Variants in ST8SIA1 observed in about 807,000 individuals in gnomAD.
ST8SIA1 encodes alpha-N-acetylneuraminide alpha-2,8-sialyltransferase.
Under a neutral mutation model 35.9 loss-of-function variants are expected in ST8SIA1, and 16 were observed. The observed-to-expected ratio is 0.45, with a 90% confidence interval of 0.30 to 0.68. The LOEUF (loss-of-function observed/expected upper bound fraction) is 0.68. Among genes scored for constraint, ST8SIA1 ranks in the 30% least tolerant of loss-of-function variants. ST8SIA1 has a pLI of 0.09. For synonymous variants in ST8SIA1, 170 were observed against 169.6 expected, an observed-to-expected ratio of 1.00 and a Z score of -0.02; for missense variants, 383 against 453.6, an observed-to-expected ratio of 0.84 and a Z score of 1.41.
intron 4 of ST8SIA1, among the ~76,000 whole-genome samples, chr12:22,211,456 G>C (rs1157948896): frequency 6.6e-6 from 1 of 152,186 alleles, no homozygotes; most frequent in Admixed American, 6.5e-5. Flanking sequence ...GCATGCTAAC[G>C]ATTGGCTAAT....
chr12:22,215,908 A>G (rs1463707912), intron 4 of ST8SIA1, among the ~76,000 whole-genome samples: 2 of 152,206 alleles, frequency 1.3e-5, no homozygotes, highest in African/African-American at 4.8e-5. Flanking sequence ...CAGCAACAAC[A>G]GGATCTACTC....
intron 4 of ST8SIA1, among the ~76,000 whole-genome samples, chr12:22,241,937 T>C (rs1565575539): frequency 6.6e-6 from 1 of 152,130 alleles, no homozygotes; most frequent in Non-Finnish European, 1.5e-5. Flanking sequence ...ATATATTTGC[T>C]CAAGACCAAT....
At chr12:22,288,821 A>G (rs187435733) in intron 1 of ST8SIA1, among the ~76,000 whole-genome samples, 1,810 of 152,032 alleles carry the variant, frequency 0.012, 12 homozygotes, top group Non-Finnish European at 0.019. Flanking sequence ...CTCCACCCTC[A>G]TTCATTTTTA....
At chr12:22,254,647 G>T (rs946841709) in intron 3 of ST8SIA1, among the ~76,000 whole-genome samples, 3 of 152,150 alleles carry the variant, frequency 2.0e-5, no homozygotes, top group Non-Finnish European at 4.4e-5. Flanking sequence ...CTACAATTTG[G>T]CAGTCTCTGT....
chr12:22,201,364 T>G lies in ST8SIA1; in HGVS notation c.*188A>C, dbSNP rs1256305484. 1.5e-6 allele frequency: 1 copy of G among 688,146 alleles called. No individual in the cohort carries two copies. Among genetic ancestry groups the G allele is most frequent in the South Asian group, 2.5e-5 (1 of 40,600 alleles). 42.6% of individuals were successfully genotyped at this position (688,146 alleles called of 1,614,324 possible). On this transcript the variant is annotated 3_prime_UTR_variant, in exon 5 of 5. Transcript: ENST00000396037. ...ATGTGCTATAAAGTATTTCATAGGATGTTTCATTTCTTATTTGTCCTCCAA... is the reference window on the plus strand; with the variant it reads ...ATGTGCTATAAAGTATTTCATAGGAGGTTTCATTTCTTATTTGTCCTCCAA...
At chr12:22,209,722 C>G (rs1171504429) in intron 4 of ST8SIA1, among the ~76,000 whole-genome samples, 3 of 152,138 alleles carry the variant, frequency 2.0e-5, no homozygotes, top group Non-Finnish European at 4.4e-5. Flanking sequence ...GCCACCTACT[C>G]TCTCATCTTT....
At chr12:22,271,848 T>C (rs1446861962) in intron 2 of ST8SIA1, among the ~76,000 whole-genome samples, 2 of 152,196 alleles carry the variant, frequency 1.3e-5, no homozygotes, top group Non-Finnish European at 2.9e-5. Flanking sequence ...AATTTCTACA[T>C]ATCAAGATCC....
At chr12:22,202,162 CTT>C in intron 4 of ST8SIA1, 124 bp from the exon 5 acceptor site, 1 of 824,580 alleles carries the variant, frequency 1.2e-6, no homozygotes, top group Non-Finnish European at 1.8e-6. Context: ...ATGAAAAACA[CTT>C]TATTTGTATT....
At chr12:22,248,975 T>G in intron 4 of ST8SIA1, 31 bp downstream of exon 4, 1 of 1,517,618 alleles carries the variant, frequency 6.6e-7, no homozygotes, top group Non-Finnish European at 9.1e-7. Context: ...TTCATCTTCG[T>G]TCGTCACAAA....
At chr12:22,307,415 T>C (rs1288988340) in intron 1 of ST8SIA1, among the ~76,000 whole-genome samples, 1 of 152,186 alleles carries the variant, frequency 6.6e-6, no homozygotes, top group African/African-American at 2.4e-5. Context: ...GGTGATAAGA[T>C]GGTCTGAGGT....
chr12:22,308,383 T>C (rs1259675774), intron 1 of ST8SIA1, among the ~76,000 whole-genome samples: 5 of 152,224 alleles, frequency 3.3e-5, no homozygotes, highest in Non-Finnish European at 7.3e-5. Context: ...CAGTGTGATC[T>C]TGACATTAGA....
chr12:22,261,203 G>A (rs533211454), intron 2 of ST8SIA1, among the ~76,000 whole-genome samples: 7 of 152,286 alleles, frequency 4.6e-5, no homozygotes, highest in Non-Finnish European at 1.0e-4. Context: ...GGAGTGCAGT[G>A]CCGCAATCTT....
intron 1 of ST8SIA1, among the ~76,000 whole-genome samples, chr12:22,294,166 C>A (rs7971462): frequency 6.6e-6 from 1 of 152,044 alleles, no homozygotes; most frequent in Non-Finnish European, 1.5e-5. Flanking sequence ...CCTGTTTATA[C>A]CTACTAGTCT....
chr12:22,250,181 G>A (rs886459782), intron 3 of ST8SIA1, among the ~76,000 whole-genome samples: 6 of 152,146 alleles, frequency 3.9e-5, no homozygotes, highest in African/African-American at 1.2e-4. Context: ...TGGGAAATAT[G>A]ACCACTGCGA....
intron 4 of ST8SIA1, among the ~76,000 whole-genome samples, chr12:22,239,701 C>T (rs1342879918): frequency 2.0e-5 from 3 of 152,078 alleles, no homozygotes; most frequent in African/African-American, 7.2e-5. Flanking sequence ...GGCTTGTGTG[C>T]ATTTTGAGTG....
chr12:22,298,620 G>A (rs939008188), intron 1 of ST8SIA1, among the ~76,000 whole-genome samples: 2 of 152,128 alleles, frequency 1.3e-5, no homozygotes, highest in African/African-American at 4.8e-5. Flanking sequence ...ATCACATAAA[G>A]GTAATTCTTT....
intron 1 of ST8SIA1, among the ~76,000 whole-genome samples, chr12:22,289,875 G>T (rs1223621510): frequency 6.6e-6 from 1 of 152,178 alleles, no homozygotes. Flanking sequence ...AAGAAGACAG[G>T]TTACATTATT....
intron 1 of ST8SIA1, among the ~76,000 whole-genome samples, chr12:22,313,601 C>T (rs761642127): frequency 6.6e-6 from 1 of 152,066 alleles, no homozygotes; most frequent in African/African-American, 2.4e-5. Context: ...AGCTGGATAC[C>T]CTCGATGTTC....
chr12:22,246,041 G>A lies in ST8SIA1; in HGVS notation c.584+2965C>T, dbSNP rs77793726. Among the ~76,000 whole-genome samples, 898 of 152,260 alleles carry A rather than the reference G, an allele frequency of 5.9e-3. 12 individuals are homozygous for A. The highest frequency in any genetic ancestry group is 0.021 in the African/African-American group (859 of 41,548). ...ATAATAAACCAGTAAACGTAAATAAGCGTTTCCTTGAGTTCTGTGAGCTGC... is the reference window on the plus strand; with the variant it reads ...ATAATAAACCAGTAAACGTAAATAAACGTTTCCTTGAGTTCTGTGAGCTGC... On this transcript the variant is annotated intron_variant, in intron 4 of 4. Coordinates refer to ENST00000396037, the MANE Select transcript of ST8SIA1 (RefSeq NM_003034.4).
Sources: allele counts gnomAD v4.1 joint callset (sites outside exome capture counted in the v4.1 genomes callset), GRCh38; gene constraint gnomAD v4.1.1; transcripts MANE v1.5; gene names NCBI Gene and HGNC (gene_info 2026-07-23, HGNC 2026-07-21).